Variants in UGGT2 observed in about 807,000 individuals in gnomAD.
UGGT2 encodes the protein UDP-glucose:glycoprotein glucosyltransferase 2.
Under a neutral mutation model 192.1 loss-of-function variants are expected in UGGT2, and 180 were observed. The ratio of observed to expected loss-of-function variants is 0.94; its 90% CI spans 0.83 to 1.06. The LOEUF is 1.06. Among genes scored for constraint, UGGT2 ranks in the 50% least tolerant of loss-of-function variants. The pLI, the probability that UGGT2 is intolerant of heterozygous loss-of-function variation, is 0.00. For synonymous variants in UGGT2, 580 were observed against 591.0 expected (o/e 0.98, Z 0.27); for missense variants, 1,849 against 1,795.7 (o/e 1.03, Z -0.54).
At chr13:95,981,913 G>C (rs2140859567) in intron 10 of UGGT2, among the ~76,000 whole-genome samples, 1 of 152,272 alleles carries the variant, frequency 6.6e-6, no homozygotes, top group Non-Finnish European at 1.5e-5. Context: ...TACCCATTTA[G>C]CCTAGATTAG....
chr13:95,840,189 A>G (rs1444565990), intron 36 of UGGT2, among the ~76,000 whole-genome samples: 1 of 152,180 alleles, frequency 6.6e-6, no homozygotes, highest in Non-Finnish European at 1.5e-5. Context: ...GCCAAAATTG[A>G]CAAATGGGAT....
At chr13:95,851,397 G>GC (rs1889014177) in intron 36 of UGGT2, among the ~76,000 whole-genome samples, 1 of 152,218 alleles carries the variant, frequency 6.6e-6, no homozygotes, top group African/African-American at 2.4e-5. Flanking sequence ...ATGATTGGCT[G>GC]CAAGACTGCC....
chr13:95,992,164 G>A (rs931940604), intron 7 of UGGT2, among the ~76,000 whole-genome samples: 5 of 151,832 alleles, frequency 3.3e-5, no homozygotes, highest in African/African-American at 2.4e-5. Flanking sequence ...GCTAGACTCC[G>A]TCTCAAAGAA....
chr13:95,945,140 T>C lies in UGGT2; in HGVS notation c.1677+1897A>G, dbSNP rs528326877. ...CTCACACTTAATATGGTCACAGATA[T>C]GGTTGGATTAACTTTAATATTTGCT... On this transcript the variant is annotated intron_variant, in intron 15 of 38. Coordinates refer to ENST00000376747, the MANE Select transcript of UGGT2 (RefSeq NM_020121.4). 9.2e-5 allele frequency among the ~76,000 whole-genome samples: 14 copies of C among 152,172 alleles called. No individual in the cohort carries two copies. The South Asian group carries it at 2.9e-3, about 32-fold the overall frequency.
chr13:95,894,896 C>T (rs1474478744), intron 23 of UGGT2, among the ~76,000 whole-genome samples: 1 of 152,058 alleles, frequency 6.6e-6, no homozygotes, highest in Non-Finnish European at 1.5e-5. Context: ...GGGAACCATG[C>T]ATACAATCTA....
intron 5 of UGGT2, among the ~76,000 whole-genome samples, chr13:96,003,483 T>A (rs1240378335): frequency 2.6e-5 from 4 of 152,184 alleles, no homozygotes; most frequent in African/African-American, 4.8e-5. Context: ...TTGAGTCTAT[T>A]TTTCCATTCT....
intron 20 of UGGT2, among the ~76,000 whole-genome samples, chr13:95,922,308 G>A (rs908486572): frequency 2.6e-5 from 4 of 152,180 alleles, no homozygotes; most frequent in Admixed American, 1.3e-4. Context: ...AAGGGGATGG[G>A]AAGGGAGAAA....
intron 15 of UGGT2, among the ~76,000 whole-genome samples, chr13:95,943,063 C>A (rs556149768): frequency 6.6e-6 from 1 of 152,026 alleles, no homozygotes; most frequent in Non-Finnish European, 1.5e-5. Flanking sequence ...TTTGGGACCC[C>A]CACGTTCTTT....
chr13:96,048,947 A>G (rs541163729), intron 1 of UGGT2, among the ~76,000 whole-genome samples: 1 of 149,682 alleles, frequency 6.7e-6, no homozygotes, highest in African/African-American at 2.4e-5. Flanking sequence ...ATTCCAATTG[A>G]TACAAAAAAA....
chr13:95,884,423 C>A, intron 27 of UGGT2, 68 bp downstream of exon 27: 2 of 1,294,318 alleles, frequency 1.5e-6, no homozygotes, highest in Middle Eastern at 4.2e-4. Flanking sequence ...TCACTTGCTA[C>A]AATTGTAATA....
chr13:95,840,806 G>A (rs897821237), intron 36 of UGGT2, among the ~76,000 whole-genome samples: 2 of 152,118 alleles, frequency 1.3e-5, no homozygotes, highest in African/African-American at 4.8e-5. Flanking sequence ...CAACCCAAAT[G>A]CCCATCAGTG....
chr13:95,999,228 T>C lies in UGGT2; in HGVS notation c.740A>G (p.Asp247Gly). Residue 247 changes from aspartate (D) to glycine (G), a missense_variant, in exon 6 of 39, where the codon GAT (aspartate) becomes GGT (glycine). Transcript: ENST00000376747. ...GAACTTACTTTTAACTTGGGTATCA[T>C]CCAGTGCTTTGTATTCTGTACTCTT... Reference protein sequence around the residue: ...AIKSTEYKALDDTQVKTVTNT... With the variant: ...AIKSTEYKALGDTQVKTVTNT... 1.2e-6 allele frequency: 2 copies of C among 1,613,486 alleles called. No homozygotes were observed. Among genetic ancestry groups the C allele is most frequent in the Non-Finnish European group, 1.7e-6 (2 of 1,179,586 alleles).
At chr13:95,857,273 T>C (rs988236345) in intron 33 of UGGT2, among the ~76,000 whole-genome samples, 1 of 152,216 alleles carries the variant, frequency 6.6e-6, no homozygotes. Flanking sequence ...AAAAAGAATA[T>C]TTTTTCTTCA....
chr13:95,970,863 C>T (rs1484037894), intron 11 of UGGT2, among the ~76,000 whole-genome samples: 3 of 152,148 alleles, frequency 2.0e-5, no homozygotes, highest in East Asian at 3.9e-4. Flanking sequence ...TATTCAGAGG[C>T]AAAAATATAA....
At chr13:95,939,628 T>C (rs1044699565) in intron 16 of UGGT2, among the ~76,000 whole-genome samples, 9 of 152,192 alleles carry the variant, frequency 5.9e-5, no homozygotes, top group African/African-American at 1.7e-4. Flanking sequence ...ATAAAGCTAA[T>C]TATCATATGC....
intron 10 of UGGT2, among the ~76,000 whole-genome samples, chr13:95,973,986 T>C (rs1350554028): frequency 6.6e-6 from 1 of 152,136 alleles, no homozygotes; most frequent in Admixed American, 6.5e-5. Context: ...TATTTCAACA[T>C]CATATGATAA....
At chr13:96,006,623 C>CAAAAAAAAAAAA (rs61256349) in intron 5 of UGGT2, among the ~76,000 whole-genome samples, 1 of 93,470 alleles carries the variant, frequency 1.1e-5, no homozygotes, top group African/African-American at 5.0e-5. Flanking sequence ...GATTCTGCCT[C>CAAAAAAAAAAAA]AAAAAAAAAA....
At chr13:95,855,822 TAAAC>T (rs1889554787) in intron 34 of UGGT2, among the ~76,000 whole-genome samples, 1 of 152,218 alleles carries the variant, frequency 6.6e-6, no homozygotes, top group Admixed American at 6.5e-5. Flanking sequence ...TTCCTAGTTT[TAAAC>T]AAATATCAGC....
rs538095332 is a variant in UGGT2 at position 96,024,825 on chromosome 13, C to G, written c.242-1066G>C. 7.2e-5 allele frequency among the ~76,000 whole-genome samples: 11 copies of G among 152,290 alleles called. No homozygotes were observed. The South Asian group carries it at 1.4e-3, about 20-fold the overall frequency. On this transcript the variant is annotated intron_variant, in intron 2 of 38. Transcript: ENST00000376747. Reference sequence around the variant, plus strand: ...AATGTGGTTACACCAGACTGCAACACCAGATACTCTCTTTCTGAGAGGAGG... The same window carrying G: ...AATGTGGTTACACCAGACTGCAACAGCAGATACTCTCTTTCTGAGAGGAGG...
Sources: allele counts gnomAD v4.1 joint callset (sites outside exome capture counted in the v4.1 genomes callset), GRCh38; gene constraint gnomAD v4.1.1; transcripts MANE v1.5; gene names NCBI Gene and HGNC (gene_info 2026-07-23, HGNC 2026-07-21).